The following VTA1 variants were observed in gnomAD, a reference collection of about 807,000 sequenced individuals.
VTA1 encodes vesicle trafficking 1.
A neutral mutation model predicts 36.9 loss-of-function variants in VTA1; 24 were observed. The ratio of observed to expected loss-of-function variants is 0.65; its 90% confidence interval spans 0.47 to 0.91. The LOEUF is 0.91. Among genes scored for constraint, VTA1 ranks in the 40% least tolerant of loss-of-function variants. VTA1 has a pLI of 0.00. For missense variants in VTA1, 393 were observed against 377.2 expected (o/e 1.04, Z -0.35); for synonymous variants, 142 against 130.2 (o/e 1.09, Z -0.62).
chr6:142,208,669 T>A (rs1164684828), intron 7 of VTA1, among the ~76,000 whole-genome samples: 1 of 151,940 alleles, frequency 6.6e-6, no homozygotes, highest in African/African-American at 2.4e-5. Flanking sequence ...AAAGAGAAAG[T>A]CCTTAAAACA....
chr6:142,156,651 A>G (rs1778668316), intron 1 of VTA1, among the ~76,000 whole-genome samples: 2 of 152,194 alleles, frequency 1.3e-5, no homozygotes, highest in South Asian at 4.1e-4. Flanking sequence ...GTGACATTGT[A>G]AAGTTAATAA....
intron 3 of VTA1, among the ~76,000 whole-genome samples, 175 bp from the exon 4 acceptor site, chr6:142,170,171 A>G (rs1775000547): frequency 6.6e-6 from 1 of 152,306 alleles, no homozygotes; most frequent in Non-Finnish European, 1.5e-5. Flanking sequence ...TTACTTTCTC[A>G]TAGTAACAGA....
intron 4 of VTA1, among the ~76,000 whole-genome samples, chr6:142,175,317 C>T (rs899499389): frequency 6.6e-6 from 1 of 151,930 alleles, no homozygotes; most frequent in Non-Finnish European, 1.5e-5. Context: ...TTCTGTCATG[C>T]TCCGTACTCT....
intron 6 of VTA1, among the ~76,000 whole-genome samples, chr6:142,199,465 T>TA (rs1775635808): frequency 6.6e-6 from 1 of 152,198 alleles, no homozygotes; most frequent in African/African-American, 2.4e-5. Context: ...ACAAACACTT[T>TA]AAAATAATTA....
intron 4 of VTA1, among the ~76,000 whole-genome samples, chr6:142,180,504 ATAAAAT>A (rs886862410): frequency 9.9e-5 from 15 of 152,230 alleles, no homozygotes; most frequent in African/African-American, 3.4e-4. Context: ...ACAAATAGTG[ATAAAAT>A]TAAATTATTA....
At chr6:142,179,170 A>T (rs1775178541) in intron 4 of VTA1, among the ~76,000 whole-genome samples, 1 of 152,154 alleles carries the variant, frequency 6.6e-6, no homozygotes, top group East Asian at 1.9e-4. Flanking sequence ...AGTCATCGAT[A>T]GAATAATTTT....
chr6:142,194,552 C>T (rs1775511962), intron 5 of VTA1, among the ~76,000 whole-genome samples: 1 of 151,772 alleles, frequency 6.6e-6, no homozygotes, highest in Non-Finnish European at 1.5e-5. Context: ...TTTGGTTTTC[C>T]AGTCGTTAGC....
intron 7 of VTA1, among the ~76,000 whole-genome samples, chr6:142,206,261 G>A (rs1255075057): frequency 1.3e-5 from 2 of 152,094 alleles, no homozygotes; most frequent in Non-Finnish European, 2.9e-5. Flanking sequence ...TTTCCACATA[G>A]CAGCACAAAA....
intron 4 of VTA1, among the ~76,000 whole-genome samples, chr6:142,178,369 C>CA (rs1322447629): frequency 6.6e-6 from 1 of 151,984 alleles, no homozygotes; most frequent in Non-Finnish European, 1.5e-5. Flanking sequence ...AGCTGTGCTT[C>CA]AAAAAATGAA....
At chr6:142,166,084 A>T in intron 1 of VTA1, 144 bp from the exon 2 acceptor site, 1 of 508,632 alleles carries the variant, frequency 2.0e-6, no homozygotes, top group Non-Finnish European at 3.3e-6. Context: ...TGTGCTTTTT[A>T]GGTTTATAAC....
At position 142,198,462 on chromosome 6, in the gene VTA1, G is replaced by A; in HGVS notation, c.544G>A (p.Gly182Arg). The A allele has an allele frequency of 3.1e-6, 5 of 1,613,894 alleles. No homozygotes were observed. Among genetic ancestry groups the A allele is most frequent in the Non-Finnish European group, 3.4e-6 (4 of 1,179,894 alleles). The stretch of plus-strand genomic sequence containing the variant: ...AGATATTGAAGAAAATGAAGATGCT[G>A]GAGCAGCCTCTCTGCCCACTCAGCC... ...DNDIEENEDA[G>R]AASLPTQPTQ... is the part of the protein sequence containing the mutation. Residue 182 changes from glycine (G) to arginine (R), a missense_variant, in exon 6 of 8, where the codon GGA becomes AGA. Transcript: ENST00000367630.
At chr6:142,169,252 C>T (rs1294250324) in intron 2 of VTA1, among the ~76,000 whole-genome samples, 1 of 152,016 alleles carries the variant, frequency 6.6e-6, no homozygotes, top group Non-Finnish European at 1.5e-5. Flanking sequence ...TTTGATGCTT[C>T]CTTCACATGG....
At chr6:142,208,225 A>G (rs1366900917) in intron 7 of VTA1, among the ~76,000 whole-genome samples, 2 of 152,152 alleles carry the variant, frequency 1.3e-5, no homozygotes, top group African/African-American at 4.8e-5. Context: ...CAATAAAGAC[A>G]TTTGACAGAT....
Position 142,212,636 on chromosome 6 carries a change from T to G in VTA1, c.779-5862T>G, listed in dbSNP as rs146461085. 2.5e-3 allele frequency among the ~76,000 whole-genome samples: 376 copies of G among 152,254 alleles called. 2 individuals are homozygous for G. The highest frequency in any genetic ancestry group is 8.3e-3 in the African/African-American group (343 of 41,550). On this transcript the variant is annotated intron_variant, in intron 7 of 7. Transcript: ENST00000367630. ...GAACTACCTGAGACTGGGTAATGTA[T>G]GAAGAATAGAGGTTTACGACTCATG...
chr6:142,159,969 A>C (rs755419241), intron 1 of VTA1, among the ~76,000 whole-genome samples: 3 of 151,918 alleles, frequency 2.0e-5, no homozygotes, highest in Non-Finnish European at 4.4e-5. Flanking sequence ...GTTTGATCTC[A>C]TACTGTTGGC....
intron 1 of VTA1, among the ~76,000 whole-genome samples, chr6:142,147,932 C>T (rs549580417): frequency 6.6e-6 from 1 of 152,214 alleles, no homozygotes; most frequent in Non-Finnish European, 1.5e-5. Context: ...CAGCTGCTCT[C>T]TCCTACCATG....
At chr6:142,166,014 A>T (rs1227676332) in intron 1 of VTA1, among the ~76,000 whole-genome samples, 3 of 150,826 alleles carry the variant, frequency 2.0e-5, no homozygotes, top group Non-Finnish European at 4.4e-5. Context: ...ACCAAAAGAG[A>T]AGGCCTTATT....
chr6:142,168,364 T>C (rs1274133423), intron 2 of VTA1, among the ~76,000 whole-genome samples: 2 of 152,130 alleles, frequency 1.3e-5, no homozygotes, highest in Admixed American at 1.3e-4. Flanking sequence ...GTTATTCTGT[T>C]TAATTATGAA....
intron 7 of VTA1, among the ~76,000 whole-genome samples, chr6:142,213,670 A>C (rs1217595582): frequency 2.6e-5 from 4 of 151,956 alleles, no homozygotes; most frequent in Non-Finnish European, 5.9e-5. Flanking sequence ...CCCAAACCTC[A>C]CCTCTTGCCT....
Sources: allele counts gnomAD v4.1 joint callset (sites outside exome capture counted in the v4.1 genomes callset), GRCh38; gene constraint gnomAD v4.1.1; transcripts MANE v1.5; gene names NCBI Gene and HGNC (gene_info 2026-07-23, HGNC 2026-07-21).